The following LRRTM4 variants were observed in gnomAD, a reference collection of about 807,000 sequenced individuals.
The protein encoded by LRRTM4 is leucine rich repeat transmembrane neuronal 4, also known as leucine-rich repeat transmembrane neuronal protein 4.
Under a neutral mutation model 47.6 loss-of-function variants are expected in LRRTM4, and 25 were observed. The ratio of observed to expected loss-of-function variants is 0.53; its 90% CI spans 0.38 to 0.73. The LOEUF (loss-of-function observed/expected upper bound fraction) is 0.73. Ranked by LOEUF, LRRTM4 falls within the 30% of genes least tolerant of loss-of-function variation. LRRTM4 has a pLI of 0.00. For synonymous variants in LRRTM4, 311 were observed against 269.5 expected (o/e 1.15, Z -1.51); for missense variants, 638 against 713.4 (o/e 0.89, Z 1.20).
chr2:77,394,977 T>C (rs1264755967), intron 3 of LRRTM4, among the ~76,000 whole-genome samples: 1 of 151,968 alleles, frequency 6.6e-6, no homozygotes, highest in African/African-American at 2.4e-5. Flanking sequence ...TTGCTTATCT[T>C]GAGGCCAGTG....
At chr2:77,260,019 AGT>A (rs1303625030) in intron 3 of LRRTM4, among the ~76,000 whole-genome samples, 2 of 152,058 alleles carry the variant, frequency 1.3e-5, no homozygotes, top group Non-Finnish European at 2.9e-5. Context: ...AAAGAAAATT[AGT>A]GTCAGGAGGT....
intron 3 of LRRTM4, among the ~76,000 whole-genome samples, chr2:77,080,864 G>A (rs1265744199): frequency 1.3e-5 from 2 of 151,842 alleles, no homozygotes; most frequent in African/African-American, 4.8e-5. Flanking sequence ...CTATTACTTT[G>A]CTCCTGTTTC....
chr2:77,007,984 A>T (rs1335122721), intron 3 of LRRTM4, among the ~76,000 whole-genome samples: 1 of 152,160 alleles, frequency 6.6e-6, no homozygotes, highest in Non-Finnish European at 1.5e-5. Flanking sequence ...ACTGTGTTCC[A>T]GATTTATTAT....
chr2:77,505,683 A>G (rs1678739832), intron 3 of LRRTM4, among the ~76,000 whole-genome samples: 1 of 151,656 alleles, frequency 6.6e-6, no homozygotes. Context: ...AAGTTATTCT[A>G]CTAAAATGAA....
At chr2:76,929,183 C>T (rs1168216023) in intron 3 of LRRTM4, among the ~76,000 whole-genome samples, 1 of 152,146 alleles carries the variant, frequency 6.6e-6, no homozygotes, top group Non-Finnish European at 1.5e-5. Flanking sequence ...TAAATTAGGT[C>T]ACAGAGTTTA....
At chr2:77,229,600 T>C (rs974794976) in intron 3 of LRRTM4, among the ~76,000 whole-genome samples, 75 of 152,192 alleles carry the variant, frequency 4.9e-4, no homozygotes, top group African/African-American at 1.8e-3. Flanking sequence ...ATTTAAGCCA[T>C]GAGAAAAGTA....
At chr2:77,078,372 ACACACACC>A (rs1444235763) in intron 3 of LRRTM4, among the ~76,000 whole-genome samples, 1 of 109,298 alleles carries the variant, frequency 9.1e-6, no homozygotes, top group Non-Finnish European at 1.7e-5. Context: ...TGTCTATTAC[ACACACACC>A]CACACACACA....
intron 3 of LRRTM4, among the ~76,000 whole-genome samples, chr2:77,442,844 G>A (rs1304014723): frequency 6.6e-6 from 1 of 152,142 alleles, no homozygotes; most frequent in Non-Finnish European, 1.5e-5. Flanking sequence ...ACACTTGGAA[G>A]GAGGTCTGAC....
chr2:77,115,314 A>C (rs566614026), intron 3 of LRRTM4, among the ~76,000 whole-genome samples: 1 of 152,104 alleles, frequency 6.6e-6, no homozygotes, highest in Non-Finnish European at 1.5e-5. Context: ...GTTCTTTTTC[A>C]GGGTGCACTG....
intron 3 of LRRTM4, among the ~76,000 whole-genome samples, chr2:77,132,013 T>C (rs1398859549): frequency 1.3e-5 from 2 of 152,246 alleles, no homozygotes; most frequent in African/African-American, 4.8e-5. Context: ...TGGGAATATT[T>C]AGTCTTCCAG....
At chr2:77,046,551 C>T (rs1679242251) in intron 3 of LRRTM4, among the ~76,000 whole-genome samples, 1 of 151,918 alleles carries the variant, frequency 6.6e-6, no homozygotes. Flanking sequence ...GGCAGAATGA[C>T]TAGAGTATAT....
intron 3 of LRRTM4, among the ~76,000 whole-genome samples, chr2:76,849,913 T>C (rs935938495): frequency 1.3e-5 from 2 of 152,100 alleles, no homozygotes; most frequent in Non-Finnish European, 2.9e-5. Flanking sequence ...GTTTTCCACA[T>C]GAAAAGAAAG....
intron 3 of LRRTM4, among the ~76,000 whole-genome samples, chr2:77,072,400 G>A (rs1680184963): frequency 6.6e-6 from 1 of 152,090 alleles, no homozygotes; most frequent in East Asian, 1.9e-4. Flanking sequence ...GAAAAAACCT[G>A]ATGGTCTAAA....
intron 3 of LRRTM4, among the ~76,000 whole-genome samples, chr2:77,492,447 T>C (rs1032984054): frequency 6.6e-6 from 1 of 152,032 alleles, no homozygotes; most frequent in African/African-American, 2.4e-5. Flanking sequence ...TGTGTGGAGA[T>C]GGGGTCTTGC....
rs930923909 is a variant in LRRTM4 at position 76,788,765 on chromosome 2, G to T, written c.1552-39849C>A. Among the ~76,000 whole-genome samples, 5 of 152,078 alleles carry T rather than the reference G, an allele frequency of 3.3e-5. No individual in the cohort carries two copies. In the South Asian group the frequency reaches 8.3e-4, roughly 25 times the overall value. On this transcript the variant is annotated intron_variant, in intron 3 of 3. Coordinates refer to ENST00000409884, the MANE Select transcript of LRRTM4 (RefSeq NM_001134745.3). ...GAAAGAAGACCCTGTGAATTTTTAG[G>T]GGGGAGGAAGTAGTAACACTATTTT... is the stretch of plus-strand genomic sequence containing the variant.
chr2:77,028,440 G>C (rs971016236), intron 3 of LRRTM4, among the ~76,000 whole-genome samples: 1 of 152,090 alleles, frequency 6.6e-6, no homozygotes, highest in Non-Finnish European at 1.5e-5. Flanking sequence ...AAAATCCCAA[G>C]AGAGTATAAA....
At chr2:77,029,442 G>A (rs999436000) in intron 3 of LRRTM4, among the ~76,000 whole-genome samples, 6 of 152,012 alleles carry the variant, frequency 3.9e-5, no homozygotes, top group African/African-American at 1.2e-4. Context: ...AAAGGCTGAA[G>A]AACTTGGAGT....
At chr2:77,210,973 A>C (rs778675133) in intron 3 of LRRTM4, among the ~76,000 whole-genome samples, 1 of 152,042 alleles carries the variant, frequency 6.6e-6, no homozygotes, top group Non-Finnish European at 1.5e-5. Flanking sequence ...TGTGTAATGG[A>C]TGTGAAAGTG....
At chr2:77,338,263 C>T (rs1671238435) in intron 3 of LRRTM4, among the ~76,000 whole-genome samples, 1 of 152,040 alleles carries the variant, frequency 6.6e-6, no homozygotes, top group Admixed American at 6.6e-5. Flanking sequence ...AACTAAACAG[C>T]TTCTGCACAG....
Sources: gnomAD v4.1 joint callset for allele counts (sites outside exome capture counted in the v4.1 genomes callset) on GRCh38, gnomAD v4.1.1 for gene constraint, MANE v1.5 for transcripts, NCBI Gene and HGNC (gene_info 2026-07-23, HGNC 2026-07-21) for gene names.